The following NRG1 variants were observed in gnomAD, a reference collection of about 807,000 sequenced individuals.
The protein encoded by NRG1 is neuregulin 1, also known as pro-neuregulin-1, membrane-bound isoform.
A neutral mutation model predicts 63.8 loss-of-function variants in NRG1; 18 were observed. That is an observed-to-expected ratio of 0.28 (90% CI 0.19 to 0.42). The LOEUF is 0.42. Among genes scored for constraint, NRG1 ranks in the 10% least tolerant of loss-of-function variants. NRG1 has a pLI of 1.00. For synonymous variants in NRG1, 302 were observed against 301.3 expected (o/e 1.00, Z -0.02); for missense variants, 762 against 814.7 (o/e 0.94, Z 0.79).
At chr8:32,625,928 G>A (rs534309222) in intron 5 of NRG1, among the ~76,000 whole-genome samples, 3 of 151,850 alleles carry the variant, frequency 2.0e-5, no homozygotes, top group African/African-American at 7.2e-5. Context: ...CAAGTAGCTG[G>A]GATTACAGGT....
chr8:31,941,853 A>G (rs1465211166), intron 1 of NRG1, among the ~76,000 whole-genome samples: 1 of 152,232 alleles, frequency 6.6e-6, no homozygotes, highest in Non-Finnish European at 1.5e-5. Context: ...AGACCTCTAC[A>G]AGGAAAACTA....
chr8:31,844,256 A>T (rs1352681020), intron 1 of NRG1, among the ~76,000 whole-genome samples: 1 of 152,132 alleles, frequency 6.6e-6, no homozygotes, highest in South Asian at 2.1e-4. Context: ...CCCAAAGCTA[A>T]GGGAGTATCG....
rs529074888 is a variant in NRG1 at position 32,098,258 on chromosome 8, C to T, written c.37+458827C>T. Among the ~76,000 whole-genome samples the T allele has an allele frequency of 6.3e-4, 96 of 152,270 alleles. 1 individual carries two copies. The highest frequency in any genetic ancestry group is 2.2e-3 in the African/African-American group (91 of 41,548). The stretch of plus-strand genomic sequence containing the variant: ...ATTTGTGATCTGGACAGGATAGTTG[C>T]AGAGAGTAATGAGTTTAAGTTGTAC... On this transcript the variant is annotated intron_variant, in intron 1 of 10. Coordinates refer to the NRG1 transcript ENST00000519301.
chr8:32,228,347 T>A (rs1846548444), intron 1 of NRG1, among the ~76,000 whole-genome samples: 1 of 152,172 alleles, frequency 6.6e-6, no homozygotes. Flanking sequence ...ACTTAAAAAA[T>A]TCCATGTAAT....
intron 3 of NRG1, 117 bp from the exon 4 acceptor site, chr8:32,614,397 A>T: frequency 2.2e-6 from 2 of 903,768 alleles, no homozygotes. Flanking sequence ...GACTTTTCTC[A>T]CTCCCTTGCA....
intron 1 of NRG1, among the ~76,000 whole-genome samples, chr8:31,878,480 A>G (rs1239589664): frequency 6.6e-6 from 1 of 152,196 alleles, no homozygotes; most frequent in Non-Finnish European, 1.5e-5. Context: ...ACTCAGGGGA[A>G]TTTGCTACAT....
intron 1 of NRG1, among the ~76,000 whole-genome samples, chr8:32,473,528 T>C (rs1039242052): frequency 1.3e-5 from 2 of 152,324 alleles, no homozygotes; most frequent in South Asian, 2.1e-4. Context: ...GCTCAGTCTT[T>C]TATTCTCTAA....
intron 1 of NRG1, among the ~76,000 whole-genome samples, chr8:32,163,320 G>A (rs1198198625): frequency 6.6e-6 from 1 of 152,120 alleles, no homozygotes; most frequent in Non-Finnish European, 1.5e-5. Flanking sequence ...AGCCCTCAAG[G>A]GAACTGTTTG....
intron 1 of NRG1, among the ~76,000 whole-genome samples, chr8:32,173,729 C>T (rs1840354542): frequency 6.6e-6 from 1 of 152,032 alleles, no homozygotes; most frequent in Non-Finnish European, 1.5e-5. Flanking sequence ...CAACAAAGAT[C>T]AAAAGAGACA....
intron 1 of NRG1, among the ~76,000 whole-genome samples, chr8:31,898,942 A>G (rs968615483): frequency 6.6e-6 from 1 of 152,112 alleles, no homozygotes; most frequent in Non-Finnish European, 1.5e-5. Context: ...CACTCTCTGC[A>G]GATCATTGAA....
intron 1 of NRG1, among the ~76,000 whole-genome samples, chr8:32,415,839 T>C (rs772024906): frequency 6.6e-6 from 1 of 152,228 alleles, no homozygotes; most frequent in Non-Finnish European, 1.5e-5. Context: ...TTGAAAATCA[T>C]GGCTGGCCAA....
intron 5 of NRG1, among the ~76,000 whole-genome samples, chr8:32,656,536 T>A (rs1352219557): frequency 1.3e-5 from 2 of 152,166 alleles, no homozygotes; most frequent in African/African-American, 4.8e-5. Context: ...CAGATATAAG[T>A]TTGTAAGAGC....
intron 1 of NRG1, among the ~76,000 whole-genome samples, chr8:32,179,514 G>T (rs529209527): frequency 6.6e-6 from 1 of 152,320 alleles, no homozygotes; most frequent in East Asian, 1.9e-4. Flanking sequence ...AAAAGCATTT[G>T]ATGTCATGTC....
At chr8:32,457,984 C>A (rs2129488528) in intron 1 of NRG1, among the ~76,000 whole-genome samples, 1 of 151,836 alleles carries the variant, frequency 6.6e-6, no homozygotes, top group Non-Finnish European at 1.5e-5. Flanking sequence ...ATGGTGCGAT[C>A]TCGGCTCCCT....
intron 5 of NRG1, among the ~76,000 whole-genome samples, chr8:32,640,208 A>G (rs963647186): frequency 2.0e-5 from 3 of 151,942 alleles, no homozygotes; most frequent in Admixed American, 2.0e-4. Context: ...ATTAGTCTGC[A>G]TAAAGATAAT....
At chr8:32,273,673 T>A (rs977138918) in intron 1 of NRG1, among the ~76,000 whole-genome samples, 3 of 152,136 alleles carry the variant, frequency 2.0e-5, no homozygotes, top group Admixed American at 1.3e-4. Flanking sequence ...AAATTGATTT[T>A]AAATTTTAAA....
chr8:32,661,074 G>T (rs1165857559), intron 5 of NRG1, among the ~76,000 whole-genome samples: 1 of 152,144 alleles, frequency 6.6e-6, no homozygotes, highest in Admixed American at 6.5e-5. Context: ...AACAGAAAAG[G>T]ATAATCATCA....
At chr8:31,646,364 AT>A (rs1347650938) in intron 1 of NRG1, among the ~76,000 whole-genome samples, 1 of 152,228 alleles carries the variant, frequency 6.6e-6, no homozygotes, top group Non-Finnish European at 1.5e-5. Flanking sequence ...CTGTGCTAGA[AT>A]ATGTGAGCTG....
intron 5 of NRG1, among the ~76,000 whole-genome samples, chr8:32,696,659 T>C (rs1260164417): frequency 2.4e-4 from 1 of 4,106 alleles, no homozygotes; most frequent in Non-Finnish European, 2.7e-3. Context: ...AATCTATCTT[T>C]TTTTTTTTTT....
Sources: allele counts gnomAD v4.1 joint callset (sites outside exome capture counted in the v4.1 genomes callset), GRCh38; gene constraint gnomAD v4.1.1; transcripts MANE v1.5; gene names NCBI Gene and HGNC (gene_info 2026-07-23, HGNC 2026-07-21).